KIDINS220: variants seen among roughly 807,000 people sequenced by gnomAD.
The protein encoded by KIDINS220 is kinase D-interacting substrate of 220 kDa.
In KIDINS220, 63 loss-of-function variants were observed where a neutral mutation model predicts 157.6. The observed-to-expected ratio is 0.40, with a 90% confidence interval of 0.33 to 0.49. The LOEUF is 0.49. Ranked by LOEUF, KIDINS220 falls within the 20% of genes least tolerant of loss-of-function variation. KIDINS220 has a pLI of 0.66. For missense variants in KIDINS220, 1,772 were observed against 2,171.2 expected (o/e 0.82, Z 3.65); for synonymous variants, 732 against 783.6 (o/e 0.93, Z 1.10).
At position 8,750,231 on chromosome 2, in the gene KIDINS220, G is replaced by T. The variant is rs753544675; in HGVS notation, c.3295C>A (p.Pro1099Thr). 3 of 1,614,006 alleles carry T rather than the reference G, an allele frequency of 1.9e-6. No individual in the cohort carries two copies. In the South Asian group the frequency reaches 3.3e-5, roughly 18 times the overall value. ...AAGGACGTGGAAGAGCACACGGATG[G>T]GGGCTGGCTGTACCCTGATGGCGCC... ...PRAPSGYSQP[P>T]SVCSSTSFNG... The change falls in exon 24 of 30, where the codon CCA becomes ACA. Residue 1099 changes from proline to threonine, a missense_variant. Around this residue, in one of 3 missense-constraint regions of KIDINS220, gnomAD observed 793 missense variants for 885.5 expected, o/e 0.90. Coordinates refer to ENST00000256707, the MANE Select transcript of KIDINS220 (RefSeq NM_020738.4).
At position 8,733,596 on chromosome 2, in the gene KIDINS220, G is replaced by C; in HGVS notation, c.3901C>G (p.His1301Asp). 6.2e-7 allele frequency: 1 copy of C among 1,614,052 alleles called. No homozygotes were observed. Among genetic ancestry groups the C allele is most frequent in the Non-Finnish European group, 8.5e-7 (1 of 1,179,998 alleles). Residue 1301 changes from histidine (H) to aspartate (D), a missense_variant, in exon 29 of 30, where the codon CAC becomes GAC. His to Asp is a moderately conservative substitution (Grantham distance 81). This residue lies in a region of KIDINS220 where 793 missense variants were observed against 885.5 expected (regional missense o/e 0.90). Transcript: ENST00000256707. ...GAAGCGCGGCGAGCAGGCTCACCGT[G>C]CGGGGCTGGGCCACTGCTGCTCTCA... is the stretch of plus-strand genomic sequence containing the variant. ...LSESSSGPAP[H>D]GEPARRASHN...
chr2:8,731,740 C>T lies in KIDINS220; in HGVS notation c.4296G>A (p.Glu1432=), dbSNP rs770925903. ...SSGGSIHSNL[E]QEKGKDSEPK... ...GTTCACTATCCTTCCCCTTTTCTTG[C>T]TCTAGGTTTGAATGAATAGAGCCCC... is the stretch of plus-strand genomic sequence containing the variant. The change falls in exon 30 of 30, where the codon GAG becomes GAA. Residue 1432 remains glutamate (E), a synonymous_variant. Transcript: ENST00000256707. This position sits in a 1 kb window ranked among gnomAD's most constrained non-coding sequence, Gnocchi z 5.2. The T allele has an allele frequency of 1.2e-6, 2 of 1,614,110 alleles. No homozygotes were observed. The highest frequency in any genetic ancestry group is 1.6e-4 in the Middle Eastern group (1 of 6,062).
chr2:8,790,172 A>G (rs192147022), intron 13 of KIDINS220, 113 bp from the exon 14 acceptor site: 4 of 933,926 alleles, frequency 4.3e-6, no homozygotes, highest in East Asian at 5.2e-5. Flanking sequence ...GACACTTAGT[A>G]GGTCCCTAGA....
Position 8,736,965 on chromosome 2 carries a change from A to G in KIDINS220, c.3620T>C (p.Leu1207Pro). The G allele has an allele frequency of 1.2e-6, 2 of 1,614,202 alleles. No individual in the cohort carries two copies. Among genetic ancestry groups the G allele is most frequent in the Non-Finnish European group, 1.7e-6 (2 of 1,180,014 alleles). Residue 1207 changes from leucine to proline, a missense_variant, in exon 27 of 30, where the codon CTG becomes CCG. Leu to Pro is a moderately conservative substitution (Grantham distance 98). This residue lies in a region of KIDINS220 where 793 missense variants were observed against 885.5 expected (regional missense o/e 0.90). Transcript: ENST00000256707. ...TACTGCATCCACATTCAGTGAATTC[A>G]GTAATACCACTGGGCCTGGGGCTGG... ...SGPAPGPVVL[L>P]NSLNVDAVCE...
rs2147932825 is a variant in KIDINS220 at position 8,728,965 on chromosome 2, G to A, written c.*1755C>T. 1 of 979,142 alleles carries A rather than the reference G, an allele frequency of 1.0e-6. No individual in the cohort carries two copies. The highest frequency in any genetic ancestry group is 1.1e-4 in the East Asian group (1 of 8,778). 60.7% of individuals were successfully genotyped at this position (979,142 alleles called of 1,614,324 possible). ...TTTTTATTGTTTTCTAAATCTATTTGTACACTTAATATGCTAGTATTAATT... is the reference window on the plus strand; with the variant it reads ...TTTTTATTGTTTTCTAAATCTATTTATACACTTAATATGCTAGTATTAATT... On this transcript the variant is annotated 3_prime_UTR_variant, in exon 30 of 30. Transcript: ENST00000256707.
chr2:8,731,517 A>C lies in KIDINS220; in HGVS notation c.4519T>G (p.Leu1507Val). ...CGCAGCCCACTTCCCTTAAGCTTCA[A>C]ATCTGTCTGGAAGAGGCTTGACCTT... Reference protein sequence around the residue: ...SERSSLFQTDLKLKGSGLRYQ... With the variant: ...SERSSLFQTDVKLKGSGLRYQ... Residue 1507 changes from leucine to valine, a missense_variant, in exon 30 of 30, where the codon TTG (leucine) becomes GTG (valine). By Grantham distance (32) the Leu-to-Val change is conservative (BLOSUM62 1). Transcript: ENST00000256707. The surrounding 1 kb of genome is among the most constrained non-coding windows in gnomAD (Gnocchi z 5.2). The C allele has an allele frequency of 6.2e-7, 1 of 1,614,112 alleles. No homozygotes were observed. Among genetic ancestry groups the C allele is most frequent in the Non-Finnish European group, 8.5e-7 (1 of 1,180,002 alleles).
rs770706202 is a variant in KIDINS220 at position 8,751,643 on chromosome 2, T to G, written c.3013A>C (p.Ile1005Leu). 6.3e-7 allele frequency: 1 copy of G among 1,577,570 alleles called. No individual in the cohort carries two copies. Among genetic ancestry groups the G allele is most frequent in the Non-Finnish European group, 8.6e-7 (1 of 1,156,868 alleles). The change falls in exon 23 of 30, where the codon ATA becomes CTA. Residue 1005 changes from isoleucine (I) to leucine (L), a missense_variant and splice_region_variant. Coordinates refer to ENST00000256707, the MANE Select transcript of KIDINS220 (RefSeq NM_020738.4). ...TTAGTTGTTGGAATATTCTTTGATA[T>G]TCTTCAAATAAGAAATCAATGAAAA... ...QMTLKTIYERISKNIPTTKDV... is the reference protein window; with the variant it reads ...QMTLKTIYERLSKNIPTTKDV...
In KIDINS220 at chr2:8,751,638, T is replaced by C. The variant is rs1171683011; in HGVS notation, c.3018A>G (p.Ser1006=). Residue 1006 remains serine (S), a synonymous_variant, in exon 23 of 30, where the codon TCA becomes TCG. Transcript: ENST00000256707. ...CATCCTTAGTTGTTGGAATATTCTT[T>C]GATATTCTTCAAATAAGAAATCAAT... ...MTLKTIYERI[S]KNIPTTKDVE... is the part of the protein sequence containing the mutation. The C allele has an allele frequency of 6.3e-7, 1 of 1,580,422 alleles. No homozygotes were observed. The highest frequency in any genetic ancestry group is 1.8e-5 in the Admixed American group (1 of 55,490).
chr2:8,777,751 G>A (rs1671156231), intron 20 of KIDINS220, among the ~76,000 whole-genome samples: 1 of 152,178 alleles, frequency 6.6e-6, no homozygotes, highest in South Asian at 2.1e-4. Flanking sequence ...ACCAAGGTGT[G>A]CTCTTGTCTA....
intron 3 of KIDINS220, among the ~76,000 whole-genome samples, chr2:8,818,107 A>C (rs1677349504): frequency 6.6e-6 from 1 of 152,258 alleles, no homozygotes; most frequent in South Asian, 2.1e-4. Flanking sequence ...AGGTTAGCAG[A>C]CTACAGAGAT....
In KIDINS220 at chr2:8,779,661, G is replaced by A. The variant is rs756142700; in HGVS notation, c.2370+13C>T. The A allele has an allele frequency of 2.5e-6, 4 of 1,606,008 alleles. No homozygotes were observed. The East Asian group carries it at 8.9e-5, about 36-fold the overall frequency. On this transcript the variant is annotated intron_variant, in intron 18 of 29. Coordinates refer to ENST00000256707, the MANE Select transcript of KIDINS220 (RefSeq NM_020738.4). ...ACATAACAATGGTGGCTTTTGAGGTGGCGCAAACGTACAGTGTCCAGCATC... is the reference window on the plus strand; with the variant it reads ...ACATAACAATGGTGGCTTTTGAGGTAGCGCAAACGTACAGTGTCCAGCATC...
intron 22 of KIDINS220, among the ~76,000 whole-genome samples, chr2:8,758,781 A>G (rs561700272): frequency 6.6e-6 from 1 of 152,288 alleles, no homozygotes; most frequent in South Asian, 2.1e-4. Flanking sequence ...AAGTATTTTC[A>G]TAACTATTCC....
chr2:8,786,632 C>T (rs79256746), intron 15 of KIDINS220, among the ~76,000 whole-genome samples: 223 of 152,130 alleles, frequency 1.5e-3, no homozygotes, highest in African/African-American at 4.9e-3. Flanking sequence ...AAAGTTACGC[C>T]AGAACTTAGA....
chr2:8,779,456 C>T (rs940906870), intron 18 of KIDINS220, among the ~76,000 whole-genome samples: 5 of 152,140 alleles, frequency 3.3e-5, no homozygotes. Flanking sequence ...TCTCACAGTG[C>T]CACTAAGCTA....
At position 8,778,970 on chromosome 2, in the gene KIDINS220, C is replaced by T. The variant is rs756522453; in HGVS notation, c.2540G>A (p.Arg847His). The T allele has an allele frequency of 1.1e-5, 17 of 1,614,110 alleles. No individual in the cohort carries two copies. Among genetic ancestry groups the T allele is most frequent in the Middle Eastern group, 1.6e-4 (1 of 6,062 alleles). ...AAATTTTCTTGCATTGCTTAGTCCA[C>T]GACTATTAAGGAACACAGGCAAGTG... The part of the protein sequence containing the change: ...IVHLPVFLNS[R>H]GLSNARKFLV... Residue 847 changes from arginine (R) to histidine (H), a missense_variant, in exon 19 of 30, where the codon CGT becomes CAT. By Grantham distance (29) the Arg-to-His change is conservative. Transcript: ENST00000256707.
In KIDINS220 at chr2:8,731,068, G is replaced by A. The variant is rs1664008306; in HGVS notation, c.4968C>T (p.Cys1656=). The change falls in exon 30 of 30, where the codon TGC becomes TGT. Residue 1656 remains cysteine (C), a synonymous_variant. Coordinates refer to ENST00000256707, the MANE Select transcript of KIDINS220 (RefSeq NM_020738.4). This position sits in a 1 kb window ranked among gnomAD's most constrained non-coding sequence, Gnocchi z 5.2. ...CSEDKKSPSE[C]SLIASSPEEN... is the part of the protein sequence containing the mutation. ...CTTCAGGGCTGCTGGCTATCAAGCT[G>A]CATTCGGAAGGGCTTTTCTTGTCTT... 2 of 1,614,220 alleles carry A rather than the reference G, an allele frequency of 1.2e-6. No individual in the cohort carries two copies. Among genetic ancestry groups the A allele is most frequent in the Non-Finnish European group, 1.7e-6 (2 of 1,180,046 alleles).
chr2:8,813,011 A>T (rs1435969887), intron 5 of KIDINS220, among the ~76,000 whole-genome samples: 2 of 152,240 alleles, frequency 1.3e-5, no homozygotes, highest in Non-Finnish European at 2.9e-5. Flanking sequence ...TATAGTTATA[A>T]TTAACATTTA....
At chr2:8,741,590 A>C (rs1220208706) in intron 26 of KIDINS220, among the ~76,000 whole-genome samples, 1 of 152,204 alleles carries the variant, frequency 6.6e-6, no homozygotes, top group Non-Finnish European at 1.5e-5. Flanking sequence ...AAAAAAACCA[A>C]AATGAAACAA....
intron 7 of KIDINS220, among the ~76,000 whole-genome samples, chr2:8,804,143 T>G (rs1477644425): frequency 2.6e-5 from 4 of 152,200 alleles, no homozygotes; most frequent in Non-Finnish European, 1.5e-5. Flanking sequence ...CTATGCTGCC[T>G]CCACCAGCAC....
Sources: gnomAD v4.1 joint callset for allele counts (sites outside exome capture counted in the v4.1 genomes callset) on GRCh38, gnomAD v4.1.1 for gene constraint, gnomAD v4.1.1 regional missense constraint, Gnocchi (gnomAD v3.1) non-coding constraint, MANE v1.5 for transcripts, NCBI Gene and HGNC (gene_info 2026-07-23, HGNC 2026-07-21) for gene names.